TCIRG1: variants seen among roughly 807,000 people sequenced by gnomAD.
TCIRG1 encodes T cell immune regulator 1, ATPase H+ transporting V0 subunit a3, also known as V-type proton ATPase 116 kDa subunit a 3.
A neutral mutation model predicts 95.5 loss-of-function variants in TCIRG1; 86 were observed. That is an observed-to-expected ratio of 0.90 (90% CI 0.76 to 1.08). TCIRG1 has a LOEUF of 1.08. TCIRG1 is among the 50% of genes least tolerant of loss of function. The pLI is 0.00. For synonymous variants in TCIRG1, 499 were observed against 501.3 expected, an observed-to-expected ratio of 1.00 and a Z score of 0.06; for missense variants, 1,069 against 1,140.2, an observed-to-expected ratio of 0.94 and a Z score of 0.90.
At position 68,045,231 on chromosome 11, in the gene TCIRG1, C is replaced by T. The variant is rs1855421420; in HGVS notation, c.1165+129C>T. On this transcript the variant is annotated intron_variant, in intron 10 of 19. Coordinates refer to ENST00000265686, the MANE Select transcript of TCIRG1 (RefSeq NM_006019.4). ...CCTCCTGGGATGAGGGGCACACATCCCATCACTCTCAAGGGGCTGTTGGGC... is the reference window on the plus strand; with the variant it reads ...CCTCCTGGGATGAGGGGCACACATCTCATCACTCTCAAGGGGCTGTTGGGC... 8.5e-6 allele frequency: 10 copies of T among 1,173,570 alleles called. No individual in the cohort carries two copies. In the Admixed American group the frequency reaches 1.6e-4, roughly 18 times the overall value. The allele number at this position is 1,173,570 out of a possible 1,614,324, so 72.7% of individuals were successfully genotyped here.
chr11:68,051,679 A>C (rs1228677651), downstream of TCIRG1, among the ~76,000 whole-genome samples: 2 of 152,198 alleles, frequency 1.3e-5, no homozygotes, highest in African/African-American at 4.8e-5. Flanking sequence ...AGGGGCTCTA[A>C]GGTAATTCCA....
Position 68,044,188 on chromosome 11 carries a change from G to A in TCIRG1, c.864G>A (p.Leu288=). ...AGGTGCTAGGCCGGGTGCTGCAGCTGCTGCCGCCAGGGCAGGTGCAGGTCC... is the reference window on the plus strand; with the variant it reads ...AGGTGCTAGGCCGGGTGCTGCAGCTACTGCCGCCAGGGCAGGTGCAGGTCC... ...LSQVLGRVLQ[L]LPPGQVQVHK... Residue 288 remains leucine, a synonymous_variant, in exon 9 of 20, where the codon CTG becomes CTA. Transcript: ENST00000265686. The A allele has an allele frequency of 6.4e-7, 1 of 1,556,824 alleles. No individual in the cohort carries two copies. Among genetic ancestry groups the A allele is most frequent in the South Asian group, 1.2e-5 (1 of 84,444 alleles).
downstream of TCIRG1, among the ~76,000 whole-genome samples, chr11:68,051,401 C>G (rs1226043368): frequency 2.0e-5 from 3 of 152,190 alleles, no homozygotes; most frequent in East Asian, 5.8e-4. Context: ...GACTCCAGGC[C>G]CAGCCTCCCC....
chr11:68,049,582 G>C lies in TCIRG1; in HGVS notation c.1888-81G>C. ...GGGAGGAGCGACCGCAGGCTCTCTGGGCCCCGTGACTGCTGTGACTCAGGT... is the reference window on the plus strand; with the variant it reads ...GGGAGGAGCGACCGCAGGCTCTCTGCGCCCCGTGACTGCTGTGACTCAGGT... On this transcript the variant is annotated intron_variant, in intron 15 of 19. Transcript: ENST00000265686. 3 of 1,543,688 alleles carry C rather than the reference G, an allele frequency of 1.9e-6. No homozygotes were observed. The Admixed American group carries it at 5.6e-5, about 29-fold the overall frequency.
intron 13 of TCIRG1, chr11:68,048,342 G>A: frequency 2.8e-6 from 1 of 356,256 alleles, no homozygotes; most frequent in South Asian, 2.3e-5. Context: ...TGCCCAGGCT[G>A]GAGTGCAGTG....
intron 1 of TCIRG1, among the ~76,000 whole-genome samples, chr11:68,040,638 C>A (rs1281083174): frequency 3.3e-5 from 5 of 152,332 alleles, no homozygotes; most frequent in African/African-American, 1.2e-4. Flanking sequence ...CACCTGCCCC[C>A]ACCCCACATC....
Position 68,047,891 on chromosome 11 carries a change from C to T in TCIRG1, c.1473C>T (p.Phe491=), listed in dbSNP as rs2134456032. 1 of 1,613,690 alleles carries T rather than the reference C, an allele frequency of 6.2e-7. No individual in the cohort carries two copies. Among genetic ancestry groups the T allele is most frequent in the Non-Finnish European group, 8.5e-7 (1 of 1,179,992 alleles). ...CCCTGCGTTGCCGCAGTGATGCATTCCTGGCCCAGCACACGATGCTTACCC... is the reference window on the plus strand; with the variant it reads ...CCCTGCGTTGCCGCAGTGATGCATTTCTGGCCCAGCACACGATGCTTACCC... ...MANQSGWSDA[F]LAQHTMLTLD... Residue 491 remains phenylalanine (F), a synonymous_variant, in exon 13 of 20, where the codon TTC becomes TTT. Transcript: ENST00000265686.
downstream of TCIRG1, chr11:68,053,436 G>A (rs1855875098): frequency 6.5e-6 from 1 of 152,862 alleles, no homozygotes; most frequent in Admixed American, 6.5e-5. Flanking sequence ...CTTCAGCCAT[G>A]GGACCAAGAG....
chr11:68,049,933 G>C, intron 16 of TCIRG1, 29 bp from the exon 17 acceptor site: 1 of 1,591,584 alleles, frequency 6.3e-7, no homozygotes, highest in South Asian at 1.1e-5. Flanking sequence ...GGGCTGGAGT[G>C]CTGCCAACAC....
rs771144678 is a variant in TCIRG1 at position 68,044,888 on chromosome 11, C to A, written c.1021-70C>A. The A allele has an allele frequency of 3.8e-6, 6 of 1,592,620 alleles. No homozygotes were observed. In the East Asian group the frequency reaches 1.3e-4, roughly 36 times the overall value. On this transcript the variant is annotated intron_variant, in intron 9 of 19. Transcript: ENST00000265686. ...CAGGGCTCTACATCTCCAGCTGGGC[C>A]TGGCTGGAGATCCCAGGGTCCCTGA... is the stretch of plus-strand genomic sequence containing the variant.
In TCIRG1 at chr11:68,049,183, G is replaced by T. The variant is rs1855660497; in HGVS notation, c.1776G>T (p.Trp592Cys). 2 of 1,613,870 alleles carry T rather than the reference G, an allele frequency of 1.2e-6. No homozygotes were observed. Among genetic ancestry groups the T allele is most frequent in the South Asian group, 2.2e-5 (2 of 91,096 alleles). ...GYLVFLVIYK[W>C]LCVWAARAAS... ...TCGTGTTCCTAGTCATCTACAAGTG[G>T]CTGTGTGTCTGGGCTGCCAGGGCCG... is the stretch of plus-strand genomic sequence containing the variant. The change falls in exon 15 of 20, where the codon TGG (tryptophan) becomes TGT (cysteine). Residue 592 changes from tryptophan (W) to cysteine (C), a missense_variant. Physicochemically the swap from Trp to Cys is radical, Grantham distance 215. Transcript: ENST00000265686.
intron 13 of TCIRG1, chr11:68,048,277 G>A: frequency 1.9e-6 from 1 of 514,870 alleles, no homozygotes; most frequent in Non-Finnish European, 3.5e-6. Flanking sequence ...AACCCTCTGT[G>A]GAAGTGATTT....
intron 1 of TCIRG1, chr11:68,039,713 G>T: frequency 6.6e-6 from 1 of 152,356 alleles, no homozygotes; most frequent in East Asian, 1.9e-4. Context: ...GACAGGGGTA[G>T]GGGGTGAGCC....
chr11:68,041,746 C>T lies in TCIRG1; in HGVS notation c.118-7C>T, dbSNP rs2134432175. On this transcript the variant is annotated splice_region_variant and splice_polypyrimidine_tract_variant and intron_variant, in intron 2 of 19. Coordinates refer to ENST00000265686, the MANE Select transcript of TCIRG1 (RefSeq NM_006019.4). Reference sequence around the variant, plus strand: ...GGGACACTCACCCCTCCGTGTGGCACCCACAGCTCAACGCCTCGGTGAGCG... The same window carrying T: ...GGGACACTCACCCCTCCGTGTGGCATCCACAGCTCAACGCCTCGGTGAGCG... 1 of 1,606,630 alleles carries T rather than the reference C, an allele frequency of 6.2e-7. No homozygotes were observed. The highest frequency in any genetic ancestry group is 8.5e-7 in the Non-Finnish European group (1 of 1,177,000).
In TCIRG1 at chr11:68,047,672, G is replaced by T. The variant is rs137853151; in HGVS notation, c.1331G>T (p.Arg444Leu). The change falls in exon 12 of 20, where the codon CGC becomes CTC. Residue 444 changes from arginine (R) to leucine (L), a missense_variant. Physicochemically the swap from Arg to Leu is moderately radical, Grantham distance 102. Transcript: ENST00000265686. ...ATCTGGCAGACTTTCTTCAGGGGCC[G>T]CTACCTGCTCCTGCTTATGGGCCTG... ...NEIWQTFFRGRYLLLLMGLFS... is the reference protein window; with the variant it reads ...NEIWQTFFRGLYLLLLMGLFS... The T allele has an allele frequency of 9.3e-6, 15 of 1,613,258 alleles. No individual in the cohort carries two copies. The Admixed American group carries it at 2.3e-4, about 25-fold the overall frequency.
intron 17 of TCIRG1, 33 bp from the exon 18 acceptor site, chr11:68,050,104 G>T (rs747182452): frequency 6.2e-7 from 1 of 1,611,256 alleles, no homozygotes; most frequent in Non-Finnish European, 8.5e-7. Context: ...GACGGCTGAG[G>T]CCCTGCCGGC....
downstream of TCIRG1, among the ~76,000 whole-genome samples, chr11:68,051,625 C>T (rs1382343813): frequency 1.3e-5 from 2 of 152,234 alleles, no homozygotes; most frequent in African/African-American, 4.8e-5. Flanking sequence ...CCATTGGCTC[C>T]TGGACTGCTT....
chr11:68,046,256 C>T lies in TCIRG1; in HGVS notation c.1165+1154C>T, dbSNP rs142404804. The stretch of plus-strand genomic sequence containing the variant: ...GGGCACTGGCTGATGCCTGTGATCT[C>T]AGCACTTTGGGAGGCTGTGGTGGGA... On this transcript the variant is annotated intron_variant, in intron 10 of 19. Transcript: ENST00000265686. Among the ~76,000 whole-genome samples the T allele has an allele frequency of 6.8e-3, 1,039 of 152,266 alleles. 8 individuals carry two copies. The highest frequency in any genetic ancestry group is 0.011 in the Non-Finnish European group (739 of 68,024).
At chr11:68,044,920 C>T in intron 9 of TCIRG1, 38 bp from the exon 10 acceptor site, 1 of 1,603,128 alleles carries the variant, frequency 6.2e-7, no homozygotes, top group Non-Finnish European at 8.5e-7. Flanking sequence ...CTGAAGGCCC[C>T]CGCCACCGTT....
Sources: allele counts gnomAD v4.1 joint callset (sites outside exome capture counted in the v4.1 genomes callset), GRCh38; gene constraint gnomAD v4.1.1; transcripts MANE v1.5; gene names NCBI Gene and HGNC (gene_info 2026-07-23, HGNC 2026-07-21).